The following LRRC4C variants were observed in gnomAD, a reference collection of about 807,000 sequenced individuals.
LRRC4C encodes leucine-rich repeat-containing protein 4C.
A neutral mutation model predicts 33.6 loss-of-function variants in LRRC4C; 5 were observed. That is an observed-to-expected ratio of 0.15 (90% CI 0.08 to 0.31). The LOEUF is 0.31. Ranked by LOEUF, LRRC4C falls within the 10% of genes least tolerant of loss-of-function variation. The pLI is 1.00. For synonymous variants in LRRC4C, 329 were observed against 302.0 expected, an observed-to-expected ratio of 1.09 and a Z score of -0.93; for missense variants, 560 against 796.7, an observed-to-expected ratio of 0.70 and a Z score of 3.58.
chr11:40,719,734 T>C (rs1034010161), intron 2 of LRRC4C, among the ~76,000 whole-genome samples: 2 of 152,158 alleles, frequency 1.3e-5, no homozygotes, highest in African/African-American at 2.4e-5. Flanking sequence ...TATTTGTACA[T>C]TGTCATTTGG....
intron 1 of LRRC4C, among the ~76,000 whole-genome samples, chr11:41,329,972 G>C (rs1037209571): frequency 1.3e-5 from 2 of 152,128 alleles, no homozygotes; most frequent in Non-Finnish European, 2.9e-5. Flanking sequence ...ACATCAAATT[G>C]CACCCTGTAC....
chr11:41,048,952 A>G (rs1350918), intron 1 of LRRC4C, among the ~76,000 whole-genome samples: 71,492 of 152,092 alleles, frequency 0.47, 17,720 homozygotes, highest in South Asian at 0.65. Flanking sequence ...TGAATGAAGC[A>G]TTGTATGCAG....
intron 2 of LRRC4C, among the ~76,000 whole-genome samples, chr11:40,755,632 C>T (rs1018157926): frequency 2.6e-5 from 4 of 151,998 alleles, no homozygotes; most frequent in African/African-American, 7.2e-5. Flanking sequence ...CTACTGGTAT[C>T]TAGAGGATAG....
At chr11:40,708,463 G>T (rs574575677) in intron 2 of LRRC4C, among the ~76,000 whole-genome samples, 54 of 149,434 alleles carry the variant, frequency 3.6e-4, no homozygotes, top group African/African-American at 1.3e-3. Context: ...CCTTCATTTT[G>T]TTAGGTACCC....
chr11:41,017,285 C>T lies in LRRC4C; in HGVS notation c.-495-83562G>A, dbSNP rs928532240. Reference sequence around the variant, plus strand: ...GCAACCACTTCTCAGTTACTGATATCTTTTATTTCTGTTATATTCATTTGA... The same window carrying T: ...GCAACCACTTCTCAGTTACTGATATTTTTTATTTCTGTTATATTCATTTGA... On this transcript the variant is annotated intron_variant, in intron 1 of 6. Coordinates refer to ENST00000528697, the MANE Select transcript of LRRC4C (RefSeq NM_001258419.2). Among the ~76,000 whole-genome samples the T allele has an allele frequency of 5.3e-5, 8 of 152,118 alleles. No individual in the cohort carries two copies. The South Asian group carries it at 1.4e-3, about 28-fold the overall frequency.
At chr11:40,349,385 G>T (rs1433479219) in intron 3 of LRRC4C, among the ~76,000 whole-genome samples, 4 of 148,946 alleles carry the variant, frequency 2.7e-5, no homozygotes, top group Non-Finnish European at 6.0e-5. Flanking sequence ...CTATGTTGCT[G>T]CAAATGACAG....
chr11:41,252,126 G>C (rs992143677), intron 1 of LRRC4C, among the ~76,000 whole-genome samples: 1 of 152,100 alleles, frequency 6.6e-6, no homozygotes, highest in Non-Finnish European at 1.5e-5. Context: ...CTTTATTCAA[G>C]ACATTGCAAT....
rs961630051 is a variant in LRRC4C at position 41,005,621 on chromosome 11, T to TA, written c.-495-71899dup. On this transcript the variant is annotated intron_variant, in intron 1 of 6. Coordinates refer to ENST00000528697, the MANE Select transcript of LRRC4C (RefSeq NM_001258419.2). ...TCCATCTCAAAAATAAAAATAAAAA[T>TA]AAAAAAAGCTGCCCCTGGCGCCTCT... 4.0e-5 allele frequency among the ~76,000 whole-genome samples: 6 copies of TA among 151,494 alleles called. No homozygotes were observed. The East Asian group carries it at 1.2e-3, about 30-fold the overall frequency.
intron 1 of LRRC4C, among the ~76,000 whole-genome samples, chr11:41,241,652 G>A (rs191500884): frequency 6.6e-6 from 1 of 152,140 alleles, no homozygotes; most frequent in African/African-American, 2.4e-5. Context: ...AATGATAATG[G>A]TGACCATGGT....
intron 2 of LRRC4C, among the ~76,000 whole-genome samples, chr11:40,685,698 T>C (rs986349709): frequency 5.3e-5 from 8 of 151,820 alleles, no homozygotes; most frequent in Admixed American, 1.3e-4. Flanking sequence ...AGAAAAATAA[T>C]AATATTAAAT....
intron 2 of LRRC4C, among the ~76,000 whole-genome samples, chr11:40,922,444 T>C (rs1047270578): frequency 1.3e-5 from 2 of 152,206 alleles, no homozygotes; most frequent in African/African-American, 4.8e-5. Context: ...AAAAATAAAG[T>C]TGCTGTTGGT....
chr11:40,691,367 A>C (rs1945214620), intron 2 of LRRC4C, among the ~76,000 whole-genome samples: 1 of 151,986 alleles, frequency 6.6e-6, no homozygotes, highest in African/African-American at 2.4e-5. Context: ...CCAAGTATCC[A>C]ATTTCCTCTT....
intron 1 of LRRC4C, among the ~76,000 whole-genome samples, chr11:41,080,269 G>A (rs1939466188): frequency 6.6e-6 from 1 of 151,176 alleles, no homozygotes; most frequent in Non-Finnish European, 1.5e-5. Context: ...GATAGTGTTT[G>A]CACTAATTAC....
At chr11:40,499,065 A>G (rs1017245657) in intron 3 of LRRC4C, among the ~76,000 whole-genome samples, 8 of 152,160 alleles carry the variant, frequency 5.3e-5, no homozygotes, top group South Asian at 2.1e-4. Context: ...GTCTGCCCCA[A>G]AGGAGTTAAC....
At chr11:41,011,094 A>T (rs1352689098) in intron 1 of LRRC4C, among the ~76,000 whole-genome samples, 1 of 152,156 alleles carries the variant, frequency 6.6e-6, no homozygotes, top group Non-Finnish European at 1.5e-5. Context: ...TACAATTTAC[A>T]TCGCTCCTAT....
intron 1 of LRRC4C, among the ~76,000 whole-genome samples, chr11:41,417,614 G>A (rs1305007785): frequency 6.6e-6 from 1 of 151,880 alleles, no homozygotes; most frequent in African/African-American, 2.4e-5. Flanking sequence ...TCAGGACCAG[G>A]ATCTAAAGTT....
chr11:40,343,045 T>C (rs1946946359), intron 3 of LRRC4C, among the ~76,000 whole-genome samples: 1 of 152,062 alleles, frequency 6.6e-6, no homozygotes, highest in African/African-American at 2.4e-5. Flanking sequence ...TTTTGCCTAA[T>C]GTAATGCCTA....
chr11:41,249,566 A>G (rs1156466762), intron 1 of LRRC4C, among the ~76,000 whole-genome samples: 1 of 152,116 alleles, frequency 6.6e-6, no homozygotes, highest in Non-Finnish European at 1.5e-5. Flanking sequence ...CTTTGCTTCC[A>G]GTACCTCCCC....
intron 2 of LRRC4C, among the ~76,000 whole-genome samples, chr11:40,826,856 T>C (rs1164158768): frequency 6.6e-6 from 1 of 151,602 alleles, no homozygotes; most frequent in Non-Finnish European, 1.5e-5. Context: ...AGAACAAGAG[T>C]TTCAAGAGGA....
Sources: allele counts gnomAD v4.1 joint callset (sites outside exome capture counted in the v4.1 genomes callset), GRCh38; gene constraint gnomAD v4.1.1; transcripts MANE v1.5; gene names NCBI Gene and HGNC (gene_info 2026-07-23, HGNC 2026-07-21).